The following SFSWAP variants were observed in gnomAD, a reference collection of about 807,000 sequenced individuals.
SFSWAP encodes the protein splicing factor, suppressor of white-apricot homolog.
A neutral mutation model predicts 100.7 loss-of-function variants in SFSWAP; 17 were observed. The observed-to-expected ratio is 0.17, with a 90% CI of 0.12 to 0.25. SFSWAP has a LOEUF of 0.25. Among genes scored for constraint, SFSWAP ranks in the 10% least tolerant of loss-of-function variants. SFSWAP has a pLI of 1.00. For synonymous variants in SFSWAP, 504 were observed against 510.1 expected (o/e 0.99, Z 0.16); for missense variants, 1,005 against 1,262.6 (o/e 0.80, Z 3.09).
chr12:131,711,665 G>A lies in SFSWAP; in HGVS notation c.218+218G>A. Reference sequence around the variant, plus strand: ...CTGGCTGGAATTGCGTGCCGCGTCCGTCTCCGGAGGGATCGTCTCTGGTCC... The same window carrying A: ...CTGGCTGGAATTGCGTGCCGCGTCCATCTCCGGAGGGATCGTCTCTGGTCC... On this transcript the variant is annotated intron_variant, in intron 1 of 17. Coordinates refer to ENST00000261674, the MANE Select transcript of SFSWAP (RefSeq NM_004592.4). The surrounding 1 kb of genome is among the most constrained non-coding windows in gnomAD (Gnocchi z 4.9). 1.8e-6 allele frequency: 1 copy of A among 552,216 alleles called. No homozygotes were observed. The allele number at this position is 552,216 out of a possible 1,614,324, so 34.2% of individuals were successfully genotyped here.
intron 14 of SFSWAP, among the ~76,000 whole-genome samples, chr12:131,782,609 C>T (rs1884581823): frequency 6.6e-6 from 1 of 152,118 alleles, no homozygotes; most frequent in Non-Finnish European, 1.5e-5. Context: ...TAGGATGCTA[C>T]ATGGAATGTA....
Position 131,794,821 on chromosome 12 carries a change from TA to T in SFSWAP, c.2535-2348del, listed in dbSNP as rs1341531874. Among the ~76,000 whole-genome samples the T allele has an allele frequency of 6.6e-6, 1 of 151,620 alleles. No homozygotes were observed. The highest frequency in any genetic ancestry group is 1.5e-5 in the Non-Finnish European group (1 of 67,850). ...AATGGACAGTGGCACCTCGGTGCTT[TA>T]AAAAAAAATGAATGAGTTGCTCCAT... On this transcript the variant is annotated intron_variant, in intron 15 of 17. Coordinates refer to ENST00000261674, the MANE Select transcript of SFSWAP (RefSeq NM_004592.4). The surrounding 1 kb of genome is among the most constrained non-coding windows in gnomAD (Gnocchi z 4.8).
At chr12:131,773,037 C>T (rs1027609365) in intron 13 of SFSWAP, among the ~76,000 whole-genome samples, 3 of 152,146 alleles carry the variant, frequency 2.0e-5, no homozygotes, top group Non-Finnish European at 4.4e-5. Flanking sequence ...TGTGTGTCCC[C>T]TTTGTCTGGA....
rs1877693074 is a variant in SFSWAP, at chr12:131,714,451, G to C, written c.388+211G>C. ...ACAAAGAATTTTCCCAGCTTTTGAG[G>C]GCAGACTGGGATTTGAAAAAAACAA... On this transcript the variant is annotated intron_variant, in intron 2 of 17. Coordinates refer to ENST00000261674, the MANE Select transcript of SFSWAP (RefSeq NM_004592.4). The surrounding 1 kb of genome is among the most constrained non-coding windows in gnomAD (Gnocchi z 6.0). 1.9e-6 allele frequency: 1 copy of C among 513,690 alleles called. No homozygotes were observed. Among genetic ancestry groups the C allele is most frequent in the African/African-American group, 1.9e-5 (1 of 52,076 alleles). The allele number at this position is 513,690 out of a possible 1,614,324, so 31.8% of individuals were successfully genotyped here. A position where few individuals can be genotyped will look rare whatever the true frequency, so the allele number is the denominator to read the frequency against.
intron 7 of SFSWAP, among the ~76,000 whole-genome samples, chr12:131,736,665 G>C (rs1219960284): frequency 1.3e-5 from 2 of 151,818 alleles, no homozygotes; most frequent in African/African-American, 2.4e-5. Context: ...GTGAGGCTTC[G>C]TGTTACAGTA....
intron 14 of SFSWAP, chr12:131,785,296 A>AAAC: frequency 7.6e-7 from 1 of 1,312,844 alleles, no homozygotes. Flanking sequence ...AAAAAATCAA[A>AAAC]ACGATTCTGT....
rs116046842 is a variant in SFSWAP, at chr12:131,778,324, G to A, written c.2402G>A (p.Arg801Gln). 23 of 1,611,790 alleles carry A rather than the reference G, an allele frequency of 1.4e-5. No individual in the cohort carries two copies. The highest frequency in any genetic ancestry group is 2.2e-5 in the East Asian group (1 of 44,850). The change falls in exon 14 of 18, where the codon CGG becomes CAG. Residue 801 changes from arginine (R) to glutamine (Q), a missense_variant. Around this residue, in one of 7 missense-constraint regions of SFSWAP, gnomAD observed 295 missense variants for 347.9 expected, o/e 0.85. Transcript: ENST00000261674. This position sits in a 1 kb window ranked among gnomAD's most constrained non-coding sequence, Gnocchi z 4.2. ...SLPSAYRTVR[R>Q]SRSRSRSPRR... ...CCCAGTGCCTATCGGACAGTGCGGC[G>A]GTCGAGGTGGGTGTGAAGGGGGCAG...
intron 7 of SFSWAP, among the ~76,000 whole-genome samples, chr12:131,736,540 ACT>A (rs1431009394): frequency 3.9e-5 from 6 of 151,948 alleles, no homozygotes; most frequent in African/African-American, 1.5e-4. Context: ...GTTTTTAAAG[ACT>A]CACCCTCACT....
intron 11 of SFSWAP, among the ~76,000 whole-genome samples, chr12:131,763,902 G>A (rs557774901): frequency 6.6e-6 from 1 of 151,836 alleles, no homozygotes; most frequent in South Asian, 2.1e-4. Context: ...CGAGGCAGGC[G>A]GATCACGAGG....
chr12:131,744,417 G>T (rs1034039484), intron 7 of SFSWAP, among the ~76,000 whole-genome samples: 1 of 152,178 alleles, frequency 6.6e-6, no homozygotes, highest in South Asian at 2.1e-4. Flanking sequence ...GATCTCTAGG[G>T]CAGGGGCAGA....
At chr12:131,762,577 C>A (rs1486991496) in intron 11 of SFSWAP, among the ~76,000 whole-genome samples, 1 of 151,968 alleles carries the variant, frequency 6.6e-6, no homozygotes, top group East Asian at 1.9e-4. Context: ...AGTCCAGCCC[C>A]TTGTTTGTTT....
At chr12:131,797,543 A>C (rs1298898862) in intron 16 of SFSWAP, among the ~76,000 whole-genome samples, 183 bp downstream of exon 16, 1 of 152,240 alleles carries the variant, frequency 6.6e-6, no homozygotes, top group Non-Finnish European at 1.5e-5. Flanking sequence ...CTCACAATCC[A>C]TGAGCGCTCA....
At chr12:131,712,375 T>G (rs933949983) in intron 1 of SFSWAP, 2 of 152,190 alleles carry the variant, frequency 1.3e-5, no homozygotes, top group Non-Finnish European at 2.9e-5. Flanking sequence ...CCCCTTCCCC[T>G]CGTCTCTGGG....
intron 13 of SFSWAP, among the ~76,000 whole-genome samples, chr12:131,766,927 C>T (rs1026090076): frequency 2.0e-5 from 3 of 152,188 alleles, no homozygotes; most frequent in Non-Finnish European, 2.9e-5. Flanking sequence ...ACACTGGCTC[C>T]TGAGTGCCAA....
chr12:131,752,752 T>G lies in SFSWAP; in HGVS notation c.1082-371T>G, dbSNP rs1881772756. On this transcript the variant is annotated intron_variant, in intron 7 of 17. Transcript: ENST00000261674. ...TGTGCATTTAGGAGCATAGGTGGCCTTCGTGGGCCGTGTGAGCAAAGGGAT... is the reference window on the plus strand; with the variant it reads ...TGTGCATTTAGGAGCATAGGTGGCCGTCGTGGGCCGTGTGAGCAAAGGGAT... Among the ~76,000 whole-genome samples, 3 of 152,230 alleles carry G rather than the reference T, an allele frequency of 2.0e-5. 1 individual carries two copies. The South Asian group carries it at 6.2e-4, about 32-fold the overall frequency.
At position 131,759,718 on chromosome 12, in the gene SFSWAP, C is replaced by T. The variant is rs538257887; in HGVS notation, c.1720+3074C>T. 2.2e-3 allele frequency among the ~76,000 whole-genome samples: 330 copies of T among 151,548 alleles called. 4 individuals are homozygous for T. The highest frequency in any genetic ancestry group is 7.2e-3 in the African/African-American group (299 of 41,260). ...CGGAGAGGCTGAGGCAGGAGAATGGCGTGAACCCGGGAGGCGGAGCTTGCA... is the reference window on the plus strand; with the variant it reads ...CGGAGAGGCTGAGGCAGGAGAATGGTGTGAACCCGGGAGGCGGAGCTTGCA... On this transcript the variant is annotated intron_variant, in intron 11 of 17. Coordinates refer to ENST00000261674, the MANE Select transcript of SFSWAP (RefSeq NM_004592.4).
At chr12:131,796,990 C>T (rs540888573) in intron 15 of SFSWAP, 188 bp from the exon 16 acceptor site, 2 of 557,682 alleles carry the variant, frequency 3.6e-6, no homozygotes, top group Middle Eastern at 4.0e-4. Context: ...TAAATGGGGA[C>T]GCGTCATCTG....
chr12:131,735,906 T>G (rs1296882337), intron 7 of SFSWAP, among the ~76,000 whole-genome samples: 5 of 152,286 alleles, frequency 3.3e-5, no homozygotes, highest in African/African-American at 7.2e-5. Flanking sequence ...ATTTTATGTT[T>G]GCATAAATTT....
chr12:131,765,684 A>G (rs941498693), intron 12 of SFSWAP, among the ~76,000 whole-genome samples: 4 of 152,032 alleles, frequency 2.6e-5, no homozygotes, highest in East Asian at 1.9e-4. Context: ...TTCAACCACA[A>G]TCCACCATCA....
Sources: allele counts gnomAD v4.1 joint callset (sites outside exome capture counted in the v4.1 genomes callset), GRCh38; gene constraint gnomAD v4.1.1; regional missense constraint gnomAD v4.1.1; non-coding constraint Gnocchi (gnomAD v3.1); transcripts MANE v1.5; gene names NCBI Gene and HGNC (gene_info 2026-07-23, HGNC 2026-07-21).